BTBD16: variants seen among roughly 807,000 people sequenced by gnomAD.
BTBD16 encodes BTB domain containing 16, also known as BTB/POZ domain-containing protein 16.
BTBD16 carries 66 observed loss-of-function variants against 67.4 expected under a neutral mutation model. The observed-to-expected ratio is 0.98, with a 90% CI of 0.80 to 1.20. The LOEUF (loss-of-function observed/expected upper bound fraction) is 1.20. Ranked by LOEUF, BTBD16 falls within the 50% of genes most tolerant of loss-of-function variation. The probability of loss-of-function intolerance (pLI) is 0.00; values close to 1 mark genes in which losing one functional copy is unlikely to be tolerated. For synonymous variants in BTBD16, 242 were observed against 236.4 expected (o/e 1.02, Z -0.22); for missense variants, 634 against 616.0 (o/e 1.03, Z -0.31).
chr10:122,332,567 TAAG>T, intron 13 of BTBD16, 54 bp downstream of exon 13: 1 of 1,563,814 alleles, frequency 6.4e-7, no homozygotes, highest in Non-Finnish European at 8.8e-7. Flanking sequence ...CGTGCTTAGT[TAAG>T]AACCTTTGGA....
At chr10:122,278,907 G>A (rs1187626878) in intron 3 of BTBD16, among the ~76,000 whole-genome samples, 1 of 152,196 alleles carries the variant, frequency 6.6e-6, no homozygotes, top group Non-Finnish European at 1.5e-5. Context: ...GGGCTAGCCT[G>A]GGCACATGCT....
chr10:122,293,378 G>T (rs2096377472), intron 7 of BTBD16, among the ~76,000 whole-genome samples: 1 of 152,192 alleles, frequency 6.6e-6, no homozygotes. Flanking sequence ...CTCATGAAAT[G>T]ACTAGGTCCA....
At chr10:122,291,363 C>G in intron 7 of BTBD16, 169 bp downstream of exon 7, 3 of 786,312 alleles carry the variant, frequency 3.8e-6, no homozygotes, top group Non-Finnish European at 5.6e-6. Flanking sequence ...CTAATTCACA[C>G]TAACAGGTGA....
intron 7 of BTBD16, 35 bp from the exon 8 acceptor site, chr10:122,297,733 G>A (rs1410984712): frequency 1.2e-6 from 2 of 1,611,148 alleles, no homozygotes; most frequent in Admixed American, 3.3e-5. Context: ...AAGCAGTGTG[G>A]GGTTCCTCCA....
chr10:122,332,340 A>AG (rs5788544), intron 12 of BTBD16, 96 bp from the exon 13 acceptor site: 507,553 of 1,070,852 alleles, frequency 0.47, 124,625 homozygotes, highest in East Asian at 0.71. Context: ...AAACCTGGTG[A>AG]GGGGGGCAGG....
At chr10:122,306,688 C>T (rs918805213) in intron 9 of BTBD16, among the ~76,000 whole-genome samples, 4 of 152,208 alleles carry the variant, frequency 2.6e-5, no homozygotes, top group Non-Finnish European at 4.4e-5. Context: ...CATGAAAAAA[C>T]TTAGTCATCG....
intron 10 of BTBD16, among the ~76,000 whole-genome samples, chr10:122,326,088 A>G (rs1345042646): frequency 6.6e-6 from 1 of 152,150 alleles, no homozygotes; most frequent in Non-Finnish European, 1.5e-5. Context: ...TTGCCCTAAA[A>G]TGTGTATTTT....
At chr10:122,325,608 G>T (rs576358338) in intron 10 of BTBD16, among the ~76,000 whole-genome samples, 2 of 151,910 alleles carry the variant, frequency 1.3e-5, no homozygotes, top group Non-Finnish European at 2.9e-5. Flanking sequence ...AGGAATTATT[G>T]TTTCATTTAC....
chr10:122,329,644 G>A (rs2096451881), intron 11 of BTBD16, 73 bp downstream of exon 11: 1 of 1,296,362 alleles, frequency 7.7e-7, no homozygotes, highest in Non-Finnish European at 1.1e-6. Flanking sequence ...GCCACTGCCG[G>A]GGGAGCCCCA....
intron 10 of BTBD16, among the ~76,000 whole-genome samples, chr10:122,323,462 A>G (rs1469862205): frequency 6.6e-6 from 1 of 152,114 alleles, no homozygotes; most frequent in Non-Finnish European, 1.5e-5. Context: ...GTGTCCTTTT[A>G]TGGTATGTGG....
chr10:122,314,509 A>C (rs774795198), intron 10 of BTBD16, among the ~76,000 whole-genome samples: 1 of 152,204 alleles, frequency 6.6e-6, no homozygotes, highest in South Asian at 2.1e-4. Flanking sequence ...GTCTCAAAAA[A>C]AATTAAAAAT....
In BTBD16 at chr10:122,283,837, C is replaced by T; in HGVS notation, c.168-14C>T. The T allele has an allele frequency of 1.2e-6, 2 of 1,609,364 alleles. No homozygotes were observed. The highest frequency in any genetic ancestry group is 1.7e-6 in the Non-Finnish European group (2 of 1,175,806). On this transcript the variant is annotated splice_polypyrimidine_tract_variant and intron_variant, in intron 3 of 15. Transcript: ENST00000260723. ...TATTAACTCCTGGATTTTATATTTGCATTTTCCCTTGAGGTTATGCATTTC... is the reference window on the plus strand; with the variant it reads ...TATTAACTCCTGGATTTTATATTTGTATTTTCCCTTGAGGTTATGCATTTC...
chr10:122,332,299 G>T (rs1354815981), intron 12 of BTBD16, 137 bp from the exon 13 acceptor site: 1 of 688,256 alleles, frequency 1.5e-6, no homozygotes, highest in Non-Finnish European at 2.5e-6. Context: ...ATGAATGGCT[G>T]AATGTAAGTC....
chr10:122,293,431 G>A (rs969052917), intron 7 of BTBD16, among the ~76,000 whole-genome samples: 1 of 152,198 alleles, frequency 6.6e-6, no homozygotes, highest in East Asian at 1.9e-4. Flanking sequence ...TGGGAACGCA[G>A]GTGTCTGGAC....
chr10:122,284,330 TC>T (rs1169278558), intron 4 of BTBD16, among the ~76,000 whole-genome samples: 1 of 151,910 alleles, frequency 6.6e-6, no homozygotes, highest in Non-Finnish European at 1.5e-5. Flanking sequence ...GCACATGTAA[TC>T]CCAGCTACTC....
chr10:122,328,963 T>A (rs1378707062), intron 10 of BTBD16: 1 of 510,722 alleles, frequency 2.0e-6, no homozygotes, highest in Non-Finnish European at 2.5e-6. Flanking sequence ...CTTTTTAATT[T>A]TTTCAGAAAG....
chr10:122,335,801 T>C (rs2096462461), intron 14 of BTBD16, among the ~76,000 whole-genome samples: 1 of 152,190 alleles, frequency 6.6e-6, no homozygotes, highest in Non-Finnish European at 1.5e-5. Context: ...TGAGAGGCCA[T>C]ATCTTATTAA....
intron 10 of BTBD16, among the ~76,000 whole-genome samples, chr10:122,310,314 C>G (rs1243011166): frequency 6.6e-6 from 1 of 152,214 alleles, no homozygotes; most frequent in East Asian, 1.9e-4. Context: ...AGGAGCCAGG[C>G]TTGGTGGCGC....
intron 10 of BTBD16, among the ~76,000 whole-genome samples, chr10:122,317,956 A>T (rs1414182189): frequency 6.6e-6 from 1 of 152,232 alleles, no homozygotes; most frequent in Admixed American, 6.5e-5. Context: ...AGCCAGTAAC[A>T]GTCATTTATT....
Sources: gnomAD v4.1 joint callset for allele counts (sites outside exome capture counted in the v4.1 genomes callset) on GRCh38, gnomAD v4.1.1 for gene constraint, MANE v1.5 for transcripts, NCBI Gene and HGNC (gene_info 2026-07-23, HGNC 2026-07-21) for gene names.